IFTAP: variants seen among roughly 807,000 people sequenced by gnomAD.
The protein encoded by IFTAP is intraflagellar transport associated protein.
Under a neutral mutation model 19.4 loss-of-function variants are expected in IFTAP, and 19 were observed. The observed-to-expected ratio is 0.98, with a 90% confidence interval of 0.68 to 1.44. IFTAP has a LOEUF of 1.44. Among genes scored for constraint, IFTAP ranks in the 40% most tolerant of loss-of-function variants. The pLI, the probability that IFTAP is intolerant of heterozygous loss-of-function variation, is 0.00. For synonymous variants in IFTAP, 85 were observed against 83.5 expected (o/e 1.02, Z -0.10); for missense variants, 240 against 253.6 (o/e 0.95, Z 0.36).
chr11:36,624,887 C>T (rs149753282), intron 2 of IFTAP, among the ~76,000 whole-genome samples: 38 of 152,128 alleles, frequency 2.5e-4, no homozygotes, highest in African/African-American at 7.7e-4. Context: ...GTTGCATGAG[C>T]GAGAAATAAA....
chr11:36,604,988 C>G (rs562680433), intron 1 of IFTAP, among the ~76,000 whole-genome samples: 2 of 151,272 alleles, frequency 1.3e-5, no homozygotes, highest in South Asian at 4.2e-4. Flanking sequence ...CATACTAGAT[C>G]TGTTCTAATC....
intron 1 of IFTAP, 104 bp from the exon 2 acceptor site, chr11:36,609,977 C>A (rs1368084526): frequency 9.9e-7 from 1 of 1,013,374 alleles, no homozygotes; most frequent in East Asian, 2.4e-5. Flanking sequence ...CTATCTTGAT[C>A]TTTGTTTTGG....
At chr11:36,630,235 C>T (rs986783137) in intron 2 of IFTAP, among the ~76,000 whole-genome samples, 2 of 151,168 alleles carry the variant, frequency 1.3e-5, no homozygotes, top group African/African-American at 4.9e-5. Flanking sequence ...TCTCATTGTG[C>T]CAAGATATTT....
chr11:36,646,372 A>G (rs1590231750), intron 4 of IFTAP, among the ~76,000 whole-genome samples: 1 of 152,170 alleles, frequency 6.6e-6, no homozygotes, highest in East Asian at 1.9e-4. Flanking sequence ...CCAGATTTGT[A>G]CCAGTCCTAG....
At chr11:36,640,106 G>T (rs1385334968) in intron 4 of IFTAP, among the ~76,000 whole-genome samples, 1 of 152,100 alleles carries the variant, frequency 6.6e-6, no homozygotes, top group African/African-American at 2.4e-5. Context: ...TGGTGGGAGG[G>T]TTGGACTGAC....
intron 2 of IFTAP, among the ~76,000 whole-genome samples, chr11:36,620,622 G>C (rs1852255332): frequency 6.6e-6 from 1 of 151,860 alleles, no homozygotes; most frequent in African/African-American, 2.4e-5. Flanking sequence ...ATAATCATTT[G>C]TTTTTTGTGA....
chr11:36,627,293 A>G (rs984357652), intron 2 of IFTAP, among the ~76,000 whole-genome samples: 2 of 151,132 alleles, frequency 1.3e-5, no homozygotes, highest in Admixed American at 6.6e-5. Context: ...CTTCCTAAAA[A>G]TCATTGAATT....
chr11:36,622,096 T>A (rs928415329), intron 2 of IFTAP, among the ~76,000 whole-genome samples: 20 of 151,340 alleles, frequency 1.3e-4, no homozygotes, highest in Non-Finnish European at 1.3e-4. Context: ...TTTTATTTTT[T>A]TTTTTGTGAA....
intron 2 of IFTAP, among the ~76,000 whole-genome samples, chr11:36,610,597 A>C (rs1851846193): frequency 6.6e-6 from 1 of 152,180 alleles, no homozygotes; most frequent in Non-Finnish European, 1.5e-5. Context: ...TATAGTATAG[A>C]CTATGGGATT....
At position 36,594,538 on chromosome 11, in the gene IFTAP, T is replaced by C. The variant is rs1388196477; in HGVS notation, c.-78T>C. On this transcript the variant is annotated 5_prime_UTR_variant, in exon 1 of 6. Coordinates refer to ENST00000334307, the MANE Select transcript of IFTAP (RefSeq NM_138787.4). Reference sequence around the variant, plus strand: ...GTGTAGCTTTGGAAATCTGTCTTTGTTGCTCTGGGAGAGGGGACTCCTGGA... The same window carrying C: ...GTGTAGCTTTGGAAATCTGTCTTTGCTGCTCTGGGAGAGGGGACTCCTGGA... The C allele has an allele frequency of 3.6e-6, 1 of 275,858 alleles. No individual in the cohort carries two copies. Among genetic ancestry groups the C allele is most frequent in the Non-Finnish European group, 7.0e-6 (1 of 143,808 alleles). 17.1% of individuals were successfully genotyped at this position (275,858 alleles called of 1,614,324 possible).
chr11:36,653,001 C>T (rs141444255), intron 5 of IFTAP, among the ~76,000 whole-genome samples: 4 of 152,092 alleles, frequency 2.6e-5, no homozygotes, highest in Admixed American at 2.0e-4. Context: ...CCCACCCTCT[C>T]CCCGTGAAAA....
chr11:36,650,624 T>C (rs538083181), intron 5 of IFTAP, among the ~76,000 whole-genome samples: 1 of 152,118 alleles, frequency 6.6e-6, no homozygotes, highest in South Asian at 2.1e-4. Context: ...TGCAGGTTTG[T>C]TACATATGTA....
At chr11:36,636,890 G>A (rs553052403) in intron 4 of IFTAP, among the ~76,000 whole-genome samples, 5 of 150,246 alleles carry the variant, frequency 3.3e-5, no homozygotes, top group South Asian at 2.1e-4. Flanking sequence ...TTTGTTTCTC[G>A]AAGGATGTTT....
At chr11:36,654,300 T>C (rs952056426) in intron 5 of IFTAP, among the ~76,000 whole-genome samples, 1 of 152,144 alleles carries the variant, frequency 6.6e-6, no homozygotes, top group Non-Finnish European at 1.5e-5. Context: ...GGTTCTCACT[T>C]CACTTTTCTC....
At chr11:36,644,209 A>G (rs1183375188) in intron 4 of IFTAP, among the ~76,000 whole-genome samples, 1 of 152,244 alleles carries the variant, frequency 6.6e-6, no homozygotes, top group Non-Finnish European at 1.5e-5. Flanking sequence ...GACACTTCTC[A>G]AAAGAAGACA....
intron 4 of IFTAP, among the ~76,000 whole-genome samples, chr11:36,636,598 G>A (rs73437989): frequency 0.15 from 23,393 of 152,062 alleles, 2,572 homozygotes; most frequent in African/African-American, 0.31. Flanking sequence ...TAATGTCAAG[G>A]CCTTCCCACA....
chr11:36,646,470 T>C (rs778694064), intron 4 of IFTAP, among the ~76,000 whole-genome samples: 18 of 152,124 alleles, frequency 1.2e-4, no homozygotes, highest in East Asian at 5.8e-4. Context: ...ACCAACCTCA[T>C]TGAATTTTAA....
intron 5 of IFTAP, among the ~76,000 whole-genome samples, chr11:36,655,551 G>C (rs1853941805): frequency 6.6e-6 from 1 of 152,202 alleles, no homozygotes; most frequent in Admixed American, 6.5e-5. Flanking sequence ...TTTGTGGAAA[G>C]AATGTAAAAT....
chr11:36,637,686 G>A (rs1466645086), intron 4 of IFTAP, among the ~76,000 whole-genome samples: 1 of 152,060 alleles, frequency 6.6e-6, no homozygotes, highest in African/African-American at 2.4e-5. Context: ...ATTAATTTGA[G>A]GATAACACGT....
Sources: gnomAD v4.1 joint callset for allele counts (sites outside exome capture counted in the v4.1 genomes callset) on GRCh38, gnomAD v4.1.1 for gene constraint, MANE v1.5 for transcripts, NCBI Gene and HGNC (gene_info 2026-07-23, HGNC 2026-07-21) for gene names.